ZNF423: variants seen among roughly 807,000 people sequenced by gnomAD.
ZNF423 encodes Ebf-associated zinc finger protein.
Under a neutral mutation model 95.8 loss-of-function variants are expected in ZNF423, and 12 were observed. The observed-to-expected ratio is 0.13, with a 90% confidence interval of 0.08 to 0.20. ZNF423 has a LOEUF of 0.20. ZNF423 is among the 10% of genes least tolerant of loss of function. The probability of loss-of-function intolerance (pLI) is 1.00; values close to 1 mark genes in which losing one functional copy is unlikely to be tolerated. For missense variants in ZNF423, 1,316 were observed against 1,737.1 expected (o/e 0.76, Z 4.31); for synonymous variants, 749 against 711.9 (o/e 1.05, Z -0.83).
At chr16:49,497,457 C>T (rs943419504) in intron 7 of ZNF423, among the ~76,000 whole-genome samples, 1 of 152,174 alleles carries the variant, frequency 6.6e-6, no homozygotes, top group Non-Finnish European at 1.5e-5. Flanking sequence ...GAGACTAGGC[C>T]GTGGTTCTGG....
At chr16:49,543,133 G>A (rs1969310706) in intron 5 of ZNF423, among the ~76,000 whole-genome samples, 1 of 152,106 alleles carries the variant, frequency 6.6e-6, no homozygotes, top group African/African-American at 2.4e-5. Flanking sequence ...CACAAATGAC[G>A]CCAGTATTTT....
intron 5 of ZNF423, among the ~76,000 whole-genome samples, chr16:49,571,714 A>G (rs1269012461): frequency 6.6e-6 from 1 of 152,120 alleles, no homozygotes; most frequent in Admixed American, 6.5e-5. Context: ...ATAGACCAGA[A>G]GAGCAGAGAG....
intron 3 of ZNF423, among the ~76,000 whole-genome samples, chr16:49,723,041 C>T (rs1278929748): frequency 6.1e-5 from 9 of 147,978 alleles, no homozygotes; most frequent in African/African-American, 1.8e-4. Flanking sequence ...CTGCAAGCTC[C>T]GCCTCCTGGG....
intron 2 of ZNF423, among the ~76,000 whole-genome samples, chr16:49,769,913 C>T (rs1228335019): frequency 2.6e-5 from 4 of 152,086 alleles, no homozygotes; most frequent in East Asian, 1.9e-4. Context: ...ATGGCTCTAA[C>T]GCCCCCTCCT....
At chr16:49,675,482 C>T (rs373460080) in intron 3 of ZNF423, among the ~76,000 whole-genome samples, 2 of 152,088 alleles carry the variant, frequency 1.3e-5, no homozygotes, top group South Asian at 2.1e-4. Context: ...CCTCCCTCAG[C>T]GGTGCCCTCA....
intron 2 of ZNF423, among the ~76,000 whole-genome samples, chr16:49,783,814 A>G (rs896332938): frequency 2.6e-5 from 4 of 151,956 alleles, no homozygotes; most frequent in African/African-American, 9.7e-5. Flanking sequence ...TACTAAAAAT[A>G]TAAAAATTAG....
At chr16:49,699,971 C>T (rs369428095) in intron 3 of ZNF423, among the ~76,000 whole-genome samples, 3 of 152,058 alleles carry the variant, frequency 2.0e-5, no homozygotes, top group African/African-American at 7.2e-5. Context: ...TATCAGCCTC[C>T]CTGGGGAGTC....
chr16:49,731,773 G>C (rs2033175014), intron 2 of ZNF423, among the ~76,000 whole-genome samples: 2 of 152,058 alleles, frequency 1.3e-5, no homozygotes, highest in South Asian at 4.2e-4. Flanking sequence ...TCGTGCCACT[G>C]TACTCCAGCC....
At chr16:49,499,097 G>A (rs532268482) in intron 7 of ZNF423, among the ~76,000 whole-genome samples, 29 of 152,280 alleles carry the variant, frequency 1.9e-4, no homozygotes, top group African/African-American at 6.5e-4. Flanking sequence ...AGCAAGCCGA[G>A]GTTTGCCTCA....
intron 7 of ZNF423, among the ~76,000 whole-genome samples, chr16:49,510,329 G>A (rs8063279): frequency 0.054 from 8,159 of 152,238 alleles, 331 homozygotes; most frequent in African/African-American, 0.11. Flanking sequence ...CATTGACAAA[G>A]CAACTCTGAG....
chr16:49,569,923 T>C (rs1273992915), intron 5 of ZNF423, among the ~76,000 whole-genome samples: 3 of 152,216 alleles, frequency 2.0e-5, no homozygotes, highest in Non-Finnish European at 4.4e-5. Context: ...AGGAAATTGA[T>C]GTGGCAGGGG....
intron 3 of ZNF423, among the ~76,000 whole-genome samples, chr16:49,666,730 G>A (rs1946673612): frequency 6.6e-6 from 1 of 152,204 alleles, no homozygotes; most frequent in Non-Finnish European, 1.5e-5. Flanking sequence ...CCCCAGGGAG[G>A]GCCGCTGGGT....
At chr16:49,844,748 T>G (rs4386135) in intron 1 of ZNF423, among the ~76,000 whole-genome samples, 107,896 of 152,056 alleles carry the variant, frequency 0.71, 38,420 homozygotes, top group South Asian at 0.79. Context: ...ATTCATTTAA[T>G]AAATATTGGC....
chr16:49,782,283 G>A (rs2034224967), intron 2 of ZNF423, among the ~76,000 whole-genome samples: 1 of 152,198 alleles, frequency 6.6e-6, no homozygotes, highest in Non-Finnish European at 1.5e-5. Context: ...GAGCGGCCTG[G>A]GTTCAAACCC....
chr16:49,520,541 G>A (rs1364471483), intron 7 of ZNF423, among the ~76,000 whole-genome samples: 1 of 152,176 alleles, frequency 6.6e-6, no homozygotes, highest in Non-Finnish European at 1.5e-5. Context: ...TCAATCCTAA[G>A]CCTAGAATCT....
At chr16:49,577,466 T>C (rs967257303) in intron 5 of ZNF423, among the ~76,000 whole-genome samples, 2 of 151,692 alleles carry the variant, frequency 1.3e-5, no homozygotes, top group Admixed American at 6.6e-5. Context: ...CAGGGCCCCA[T>C]GTCCAGCAAG....
intron 3 of ZNF423, among the ~76,000 whole-genome samples, chr16:49,641,551 A>C (rs1972977407): frequency 6.6e-6 from 1 of 152,200 alleles, no homozygotes; most frequent in Non-Finnish European, 1.5e-5. Context: ...TGTCCCTAGG[A>C]CAAGCCTGAA....
intron 2 of ZNF423, among the ~76,000 whole-genome samples, chr16:49,786,884 G>T (rs1233348758): frequency 6.6e-6 from 1 of 152,194 alleles, no homozygotes; most frequent in Non-Finnish European, 1.5e-5. Context: ...TCTCTGATGT[G>T]GCCAAGTGAC....
chr16:49,814,951 G>A (rs2034813726), intron 1 of ZNF423, among the ~76,000 whole-genome samples: 1 of 152,034 alleles, frequency 6.6e-6, no homozygotes, highest in South Asian at 2.1e-4. Flanking sequence ...ACTCTGCAGC[G>A]GGCATCTCTC....
Sources: allele counts gnomAD v4.1 joint callset (sites outside exome capture counted in the v4.1 genomes callset), GRCh38; gene constraint gnomAD v4.1.1; transcripts MANE v1.5; gene names NCBI Gene and HGNC (gene_info 2026-07-23, HGNC 2026-07-21).